The following CEP68 variants were observed in gnomAD, a reference collection of about 807,000 sequenced individuals.
CEP68 encodes centrosomal protein of 68 kDa.
CEP68 carries 26 observed loss-of-function variants against 55.3 expected under a neutral mutation model. The observed-to-expected ratio is 0.47, with a 90% CI of 0.34 to 0.65. The LOEUF (loss-of-function observed/expected upper bound fraction) is 0.65, where lower values mean the gene tolerates loss of function less well. Ranked by LOEUF, CEP68 falls within the 30% of genes least tolerant of loss-of-function variation. The probability of loss-of-function intolerance (pLI) is 0.01; values close to 1 mark genes in which losing one functional copy is unlikely to be tolerated. For synonymous variants in CEP68, 402 were observed against 383.2 expected, an observed-to-expected ratio of 1.05 and a Z score of -0.57; for missense variants, 957 against 946.7, an observed-to-expected ratio of 1.01 and a Z score of -0.14.
intron 5 of CEP68, among the ~76,000 whole-genome samples, chr2:65,078,564 G>A (rs1361198085): frequency 6.6e-6 from 1 of 152,208 alleles, no homozygotes; most frequent in African/African-American, 2.4e-5. Context: ...TTGAGATGGA[G>A]TTTCGCTCTT....
At chr2:65,068,391 G>A (rs1036973588) in intron 1 of CEP68, among the ~76,000 whole-genome samples, 1 of 152,050 alleles carries the variant, frequency 6.6e-6, no homozygotes, top group Non-Finnish European at 1.5e-5. Context: ...GTGCTCCCTC[G>A]CCTGCCTGCC....
Position 65,072,053 on chromosome 2 carries a change from T to A in CEP68, c.957T>A (p.Leu319=), listed in dbSNP as rs1248182303. ...LRPGPQLPKH[L]DSRVPADPVL... ...CCGGGCCTCAGCTCCCAAAGCACCT[T>A]GATAGCCGTGTGCCAGCTGACCCTG... Residue 319 remains leucine (L), a synonymous_variant, in exon 3 of 7, where the codon CTT becomes CTA. Coordinates refer to ENST00000377990, the MANE Select transcript of CEP68 (RefSeq NM_015147.3). 1.2e-6 allele frequency: 2 copies of A among 1,613,726 alleles called. No individual in the cohort carries two copies. The highest frequency in any genetic ancestry group is 1.7e-6 in the Non-Finnish European group (2 of 1,179,974).
intron 5 of CEP68, among the ~76,000 whole-genome samples, chr2:65,081,408 T>C (rs536477655): frequency 1.4e-5 from 2 of 146,962 alleles, no homozygotes; most frequent in African/African-American, 5.0e-5. Flanking sequence ...TCCTTCTCCT[T>C]CTACTCATCC....
intron 4 of CEP68, among the ~76,000 whole-genome samples, chr2:65,077,024 CCT>C (rs35876889): frequency 7.3e-6 from 1 of 136,110 alleles, no homozygotes; most frequent in Non-Finnish European, 1.5e-5. Context: ...TGAGACGGAG[CCT>C]CTCTTACTGC....
At chr2:65,080,680 T>G (rs934190706) in intron 5 of CEP68, 1 of 365,380 alleles carries the variant, frequency 2.7e-6, no homozygotes, top group Non-Finnish European at 3.8e-6. Context: ...TAGCTGGGCA[T>G]GGTGGCGGGC....
chr2:65,067,551 C>T (rs1474606932), intron 1 of CEP68, among the ~76,000 whole-genome samples: 1 of 152,044 alleles, frequency 6.6e-6, no homozygotes, highest in Non-Finnish European at 1.5e-5. Context: ...CCATTTGGCT[C>T]CTTTGTCCTT....
chr2:65,081,536 G>C (rs1051626695), intron 5 of CEP68, among the ~76,000 whole-genome samples: 2 of 152,120 alleles, frequency 1.3e-5, no homozygotes, highest in African/African-American at 4.8e-5. Flanking sequence ...AGGAAACTAA[G>C]ACAGCCTTTG....
rs1402565611 is a variant in CEP68 at position 65,086,667 on chromosome 2, ATTTGT to A, written c.*3039_*3043del. The A allele has an allele frequency of 6.6e-6, 1 of 152,324 alleles. No homozygotes were observed. 9.4% of individuals were successfully genotyped at this position (152,324 alleles called of 1,614,324 possible). On this transcript the variant is annotated 3_prime_UTR_variant, in exon 7 of 7. Coordinates refer to ENST00000377990, the MANE Select transcript of CEP68 (RefSeq NM_015147.3). ...CGGCATGGCATCACAGTATCTTGACATTTGTTTTGTGTCATTTAGCTACTTTAGAA... is the reference window on the plus strand; with the variant it reads ...CGGCATGGCATCACAGTATCTTGACATTTGTGTCATTTAGCTACTTTAGAA...
At chr2:65,070,467 T>A (rs1045217532) in intron 2 of CEP68, among the ~76,000 whole-genome samples, 1 of 151,266 alleles carries the variant, frequency 6.6e-6, no homozygotes, top group African/African-American at 2.4e-5. Flanking sequence ...CTGTTCTGCT[T>A]GCCAAGGCCT....
Position 65,082,558 on chromosome 2 carries a change from G to A in CEP68, c.2127G>A (p.Arg709=), listed in dbSNP as rs750576074. 47 of 1,583,766 alleles carry A rather than the reference G, an allele frequency of 3.0e-5. No individual in the cohort carries two copies. In the East Asian group the frequency reaches 1.0e-3, roughly 34 times the overall value. Residue 709 remains arginine, a synonymous_variant, in exon 6 of 7, where the codon AGG becomes AGA. Transcript: ENST00000377990. Reference sequence around the variant, plus strand: ...TAGTTTTAGAGGATGTCCTTGGGAGGATCGCAAAGCAGTCTGGTGAGCTGG... The same window carrying A: ...TAGTTTTAGAGGATGTCCTTGGGAGAATCGCAAAGCAGTCTGGTGAGCTGG... The part of the protein sequence containing the change: ...NTPVLEDVLG[R]IAKQSGELES...
At chr2:65,059,265 C>T (rs1379991112) in intron 1 of CEP68, among the ~76,000 whole-genome samples, 1 of 152,214 alleles carries the variant, frequency 6.6e-6, no homozygotes, top group Non-Finnish European at 1.5e-5. Flanking sequence ...GACACTGCGT[C>T]ACTTCCAGGT....
chr2:65,071,483 G>A lies in CEP68; in HGVS notation c.387G>A (p.Glu129=), dbSNP rs769186343. The change falls in exon 3 of 7, where the codon GAG becomes GAA. Residue 129 remains glutamate, a synonymous_variant. Coordinates refer to ENST00000377990, the MANE Select transcript of CEP68 (RefSeq NM_015147.3). ...AGAAGACCAAGCTTTCTTCCTCCGAGGAGTTCCCTCAGACTCTGAGCCTTC... is the reference window on the plus strand; with the variant it reads ...AGAAGACCAAGCTTTCTTCCTCCGAAGAGTTCCCTCAGACTCTGAGCCTTC... ...QVEKTKLSSS[E]EFPQTLSLPR... is the part of the protein sequence containing the mutation. 1.9e-6 allele frequency: 3 copies of A among 1,614,034 alleles called. No individual in the cohort carries two copies. The highest frequency in any genetic ancestry group is 1.1e-5 in the South Asian group (1 of 91,084).
chr2:65,079,320 G>T (rs1441225273), intron 5 of CEP68, among the ~76,000 whole-genome samples: 1 of 152,168 alleles, frequency 6.6e-6, no homozygotes, highest in Non-Finnish European at 1.5e-5. Flanking sequence ...TGCATTGCAG[G>T]ATGTTTAGCA....
chr2:65,058,030 A>G (rs1024292260), intron 1 of CEP68, among the ~76,000 whole-genome samples: 9 of 152,240 alleles, frequency 5.9e-5, no homozygotes, highest in Admixed American at 3.3e-4. Flanking sequence ...TATTAGGATT[A>G]AATAAGATAT....
rs79568756 is a variant in CEP68, at chr2:65,074,413, C to G, written c.2007+9C>G. On this transcript the variant is annotated intron_variant, in intron 4 of 6. Coordinates refer to ENST00000377990, the MANE Select transcript of CEP68 (RefSeq NM_015147.3). ...CTCTGCAGCTTTACCGGGTAATATG[C>G]GGTCCTGGCTCTGGCTTGTTCCCTC... 5,775 of 1,613,914 alleles carry G rather than the reference C, an allele frequency of 3.6e-3. 190 individuals are homozygous for G. The African/African-American group carries it at 0.064, about 18-fold the overall frequency.
rs1234873883 is a variant in CEP68 at position 65,086,512 on chromosome 2, A to G, written c.*2878A>G. ...ATCCCAATCTTTACTGCCATGGGGAAAAGAACGCTGGAATTTTCCAAACTT... is the reference window on the plus strand; with the variant it reads ...ATCCCAATCTTTACTGCCATGGGGAGAAGAACGCTGGAATTTTCCAAACTT... On this transcript the variant is annotated 3_prime_UTR_variant, in exon 7 of 7. Coordinates refer to ENST00000377990, the MANE Select transcript of CEP68 (RefSeq NM_015147.3). 6.6e-6 allele frequency: 1 copy of G among 152,246 alleles called. No individual in the cohort carries two copies. 9.4% of individuals were successfully genotyped at this position (152,246 alleles called of 1,614,324 possible).
Position 65,071,699 on chromosome 2 carries a change from C to T in CEP68, c.603C>T (p.Ser201=), listed in dbSNP as rs746018404. 1.2e-6 allele frequency: 2 copies of T among 1,614,146 alleles called. No individual in the cohort carries two copies. The highest frequency in any genetic ancestry group is 1.7e-6 in the Non-Finnish European group (2 of 1,180,036). Residue 201 remains serine, a synonymous_variant, in exon 3 of 7, where the codon TCC becomes TCT. Coordinates refer to ENST00000377990, the MANE Select transcript of CEP68 (RefSeq NM_015147.3). ...AQPSSCSISA[S]STGSSLQGHQ... is the part of the protein sequence containing the mutation. ...CTTCCAGCTGCAGCATCTCTGCTTC[C>T]TCCACAGGCAGCAGTCTCCAGGGTC...
intron 1 of CEP68, among the ~76,000 whole-genome samples, chr2:65,067,075 GT>G (rs945711711): frequency 2.0e-5 from 3 of 150,058 alleles, no homozygotes; most frequent in Non-Finnish European, 3.0e-5. Context: ...CTACTTTTAT[GT>G]AAAAAAAAAA....
At chr2:65,079,772 G>A (rs187028445) in intron 5 of CEP68, among the ~76,000 whole-genome samples, 1 of 152,232 alleles carries the variant, frequency 6.6e-6, no homozygotes, top group South Asian at 2.1e-4. Context: ...CTGGCTTTCC[G>A]CAGCTTCCCA....
Sources: gnomAD v4.1 joint callset for allele counts (sites outside exome capture counted in the v4.1 genomes callset) on GRCh38, gnomAD v4.1.1 for gene constraint, MANE v1.5 for transcripts, NCBI Gene and HGNC (gene_info 2026-07-23, HGNC 2026-07-21) for gene names.